LRRC49: variants seen among roughly 807,000 people sequenced by gnomAD.
LRRC49 encodes the protein leucine rich repeat containing 49.
LRRC49 carries 50 observed loss-of-function variants against 83.3 expected under a neutral mutation model. That is an observed-to-expected ratio of 0.60 (90% CI 0.48 to 0.76). The LOEUF (loss-of-function observed/expected upper bound fraction) is 0.76, where lower values mean the gene tolerates loss of function less well. Ranked by LOEUF, LRRC49 falls within the 30% of genes least tolerant of loss-of-function variation. The pLI, the probability that LRRC49 is intolerant of heterozygous loss-of-function variation, is 0.00. For synonymous variants in LRRC49, 286 were observed against 283.3 expected (o/e 1.01, Z -0.10); for missense variants, 704 against 809.1 (o/e 0.87, Z 1.58).
At chr15:70,860,515 A>G (rs1238064650) in intron 1 of LRRC49, among the ~76,000 whole-genome samples, 1 of 152,190 alleles carries the variant, frequency 6.6e-6, no homozygotes, top group African/African-American at 2.4e-5. Flanking sequence ...CCTGGGCTCA[A>G]GCTATTTTCC....
chr15:70,893,703 C>G (rs761249325), intron 2 of LRRC49, 63 bp downstream of exon 2: 87 of 1,268,682 alleles, frequency 6.9e-5, no homozygotes, highest in Non-Finnish European at 9.6e-5. Flanking sequence ...CAAATAGCAG[C>G]ATGACTTAAA....
rs986601949 is a variant in LRRC49 at position 70,895,393 on chromosome 15, G to GT, written c.106-447dup. 4.3e-4 allele frequency: 65 copies of GT among 150,988 alleles called. 1 individual carries two copies. The highest frequency in any genetic ancestry group is 4.6e-4 in the African/African-American group (19 of 41,124). 9.4% of individuals were successfully genotyped at this position (150,988 alleles called of 1,614,324 possible). On this transcript the variant is annotated intron_variant, in intron 2 of 15. Transcript: ENST00000260382. ...CAACAGCATTTTATTTATATTGTGT[G>GT]TTTTTTTTTGAAGCAAATGATTCTT...
chr15:71,006,820 A>T (rs749213653), intron 11 of LRRC49, among the ~76,000 whole-genome samples: 1 of 152,076 alleles, frequency 6.6e-6, no homozygotes, highest in Non-Finnish European at 1.5e-5. Context: ...TTTTAGTGGC[A>T]GTGAAGCTGT....
At chr15:70,963,087 AGAC>A (rs1411859826) in intron 8 of LRRC49, among the ~76,000 whole-genome samples, 1 of 151,830 alleles carries the variant, frequency 6.6e-6, no homozygotes, top group Non-Finnish European at 1.5e-5. Context: ...CAACATAGTG[AGAC>A]GCTTTTTATT....
intron 14 of LRRC49, among the ~76,000 whole-genome samples, chr15:71,019,532 C>G (rs2038930140): frequency 6.6e-6 from 1 of 152,040 alleles, no homozygotes; most frequent in South Asian, 2.1e-4. Flanking sequence ...AAATCAAAGC[C>G]CAGGGCTCCA....
chr15:70,910,403 T>G (rs1480204662), intron 5 of LRRC49, among the ~76,000 whole-genome samples: 1 of 152,140 alleles, frequency 6.6e-6, no homozygotes, highest in East Asian at 1.9e-4. Flanking sequence ...ACACACTATA[T>G]ATAGATAACA....
intron 10 of LRRC49, 58 bp downstream of exon 10, chr15:70,980,242 A>C: frequency 8.2e-7 from 1 of 1,224,214 alleles, no homozygotes; most frequent in Non-Finnish European, 1.2e-6. Flanking sequence ...CATACCCCAA[A>C]GCCAGCTAGC....
intron 1 of LRRC49, chr15:70,853,611 T>C: frequency 3.6e-6 from 1 of 277,078 alleles, no homozygotes; most frequent in Non-Finnish European, 6.7e-6. Context: ...GTGAAAGTCC[T>C]CCTCCTGGAT....
At position 70,893,591 on chromosome 15, in the gene LRRC49, G is replaced by C. The variant is rs546360338; in HGVS notation, c.56G>C (p.Cys19Ser). The C allele has an allele frequency of 6.2e-7, 1 of 1,607,830 alleles. No individual in the cohort carries two copies. Among genetic ancestry groups the C allele is most frequent in the Non-Finnish European group, 8.5e-7 (1 of 1,176,124 alleles). The change falls in exon 2 of 16, where the codon TGC becomes TCC. Residue 19 changes from cysteine (C) to serine (S), a missense_variant. Cys to Ser is a moderately radical substitution (Grantham distance 112). Coordinates refer to ENST00000260382, the MANE Select transcript of LRRC49 (RefSeq NM_017691.5). Reference sequence around the variant, plus strand: ...TTAATTTTTACATTTCAGGTGAACTGCGGGCTTCATCTGGTTATTCAAACA... The same window carrying C: ...TTAATTTTTACATTTCAGGTGAACTCCGGGCTTCATCTGGTTATTCAAACA... Reference protein sequence around the residue: ...VSGRAANNVNCGLHLVIQTSS... With the variant: ...VSGRAANNVNSGLHLVIQTSS...
intron 1 of LRRC49, among the ~76,000 whole-genome samples, chr15:70,867,126 A>T (rs2032931317): frequency 1.3e-5 from 2 of 151,712 alleles, no homozygotes; most frequent in South Asian, 4.2e-4. Flanking sequence ...CTGCTCTCTC[A>T]TTCCTTTCAC....
chr15:71,007,800 G>A (rs1476931191), intron 11 of LRRC49, among the ~76,000 whole-genome samples: 4 of 146,254 alleles, frequency 2.7e-5, no homozygotes, highest in South Asian at 4.3e-4. Context: ...TCAAAGTGAG[G>A]AGGAAATCTA....
intron 2 of LRRC49, chr15:70,882,166 T>A: frequency 3.5e-6 from 1 of 287,734 alleles, no homozygotes; most frequent in Admixed American, 4.7e-5. Flanking sequence ...ATGCTTAATT[T>A]TGATTAGGAA....
upstream of LRRC49, chr15:70,892,471 C>T: frequency 6.5e-7 from 1 of 1,531,212 alleles, no homozygotes; most frequent in East Asian, 2.5e-5. Context: ...TATCTTCCTC[C>T]TCCTCCTCCC....
intron 3 of LRRC49, among the ~76,000 whole-genome samples, chr15:70,900,005 C>T (rs558818788): frequency 6.6e-6 from 1 of 152,274 alleles, no homozygotes; most frequent in East Asian, 1.9e-4. Context: ...TCTTCTTGAC[C>T]ATTTACATTC....
chr15:71,036,100 T>C (rs1052304188), intron 14 of LRRC49, among the ~76,000 whole-genome samples: 1 of 152,186 alleles, frequency 6.6e-6, no homozygotes, highest in African/African-American at 2.4e-5. Flanking sequence ...CCAGTGATGA[T>C]GAGCATTTTT....
chr15:70,946,501 G>A (rs1365755462), intron 8 of LRRC49, among the ~76,000 whole-genome samples: 1 of 152,072 alleles, frequency 6.6e-6, no homozygotes, highest in Non-Finnish European at 1.5e-5. Context: ...ATTTAAAGAT[G>A]CTTAGGTTGA....
In LRRC49 at chr15:70,923,635, A is replaced by G. The variant is rs148531426; in HGVS notation, c.711+4442A>G. 2.4e-3 allele frequency among the ~76,000 whole-genome samples: 357 copies of G among 151,848 alleles called. 1 individual carries two copies. The highest frequency in any genetic ancestry group is 8.0e-3 in the African/African-American group (332 of 41,508). ...TATTTTTCTTTGGTATATCTTTTTT[A>G]TTTCCTAACCTTTTTAGAAAAATTT... On this transcript the variant is annotated intron_variant, in intron 7 of 15. Coordinates refer to ENST00000260382, the MANE Select transcript of LRRC49 (RefSeq NM_017691.5).
intron 11 of LRRC49, among the ~76,000 whole-genome samples, chr15:71,004,382 A>G (rs1156894959): frequency 1.3e-5 from 2 of 152,204 alleles, no homozygotes; most frequent in East Asian, 3.8e-4. Context: ...AATGCCCATC[A>G]GTGATATACT....
chr15:70,995,355 G>C (rs2038039285), intron 11 of LRRC49, among the ~76,000 whole-genome samples: 1 of 152,110 alleles, frequency 6.6e-6, no homozygotes, highest in South Asian at 2.1e-4. Flanking sequence ...AAGTTTTTGA[G>C]GTTAAATATT....
Sources: gnomAD v4.1 joint callset for allele counts (sites outside exome capture counted in the v4.1 genomes callset) on GRCh38, gnomAD v4.1.1 for gene constraint, MANE v1.5 for transcripts, NCBI Gene and HGNC (gene_info 2026-07-23, HGNC 2026-07-21) for gene names.